Variants in DOCK5 observed in about 807,000 individuals in gnomAD.
DOCK5 encodes the protein dedicator of cytokinesis protein 5.
In DOCK5, 142 loss-of-function variants were observed where a neutral mutation model predicts 251.8. The observed-to-expected ratio is 0.56, with a 90% CI of 0.49 to 0.65. The LOEUF (loss-of-function observed/expected upper bound fraction) is 0.65. DOCK5 is among the 30% of genes least tolerant of loss of function. The pLI is 0.00. For missense variants in DOCK5, 2,111 were observed against 2,312.3 expected (o/e 0.91, Z 1.79); for synonymous variants, 842 against 835.5 (o/e 1.01, Z -0.13).
intron 40 of DOCK5, among the ~76,000 whole-genome samples, chr8:25,385,592 T>A (rs952628731): frequency 1.3e-5 from 2 of 152,104 alleles, no homozygotes; most frequent in African/African-American, 4.8e-5. Context: ...TGAGTAAATA[T>A]TTATTAAACT....
At chr8:25,299,780 C>G (rs2117164086) in intron 8 of DOCK5, among the ~76,000 whole-genome samples, 1 of 152,172 alleles carries the variant, frequency 6.6e-6, no homozygotes, top group South Asian at 2.1e-4. Flanking sequence ...AGTGGTACTA[C>G]TGTTTAGCAG....
In DOCK5 at chr8:25,187,378, G is replaced by T. The variant is rs151338836; in HGVS notation, c.43+2427G>T. On this transcript the variant is annotated intron_variant, in intron 1 of 51. Transcript: ENST00000276440. ...ATGGGTGGAAATTGTGTGTGTGTGT[G>T]TGTGTGTGTGTGTGTGTGTAAAATA... Among the ~76,000 whole-genome samples, 419 of 150,766 alleles carry T rather than the reference G, an allele frequency of 2.8e-3. 2 individuals are homozygous for T. The highest frequency in any genetic ancestry group is 9.3e-3 in the African/African-American group (380 of 40,794).
At chr8:25,228,965 T>A (rs1802598473) in intron 1 of DOCK5, among the ~76,000 whole-genome samples, 1 of 151,444 alleles carries the variant, frequency 6.6e-6, no homozygotes, top group South Asian at 2.1e-4. Context: ...GCACAGTGTC[T>A]CACACCTGTA....
At chr8:25,199,407 G>A (rs1211721026) in intron 1 of DOCK5, among the ~76,000 whole-genome samples, 7 of 120,496 alleles carry the variant, frequency 5.8e-5, no homozygotes, top group Non-Finnish European at 9.8e-5. Context: ...TTTGTGAGAC[G>A]GAGTCTTGCT....
At chr8:25,400,698 ACAGTCCTTCCC>A (rs1801424156) in intron 46 of DOCK5, among the ~76,000 whole-genome samples, 1 of 151,934 alleles carries the variant, frequency 6.6e-6, no homozygotes, top group Non-Finnish European at 1.5e-5. Flanking sequence ...GCCTCATCCC[ACAGTCCTTCCC>A]CAGTTTAGGG....
chr8:25,227,506 G>T (rs1199966179), intron 1 of DOCK5, among the ~76,000 whole-genome samples: 1 of 151,590 alleles, frequency 6.6e-6, no homozygotes, highest in Non-Finnish European at 1.5e-5. Context: ...TTTTATTTCT[G>T]TGTCAGTGCT....
intron 2 of DOCK5, among the ~76,000 whole-genome samples, chr8:25,244,131 C>T (rs1440773692): frequency 1.3e-4 from 20 of 152,218 alleles, no homozygotes; most frequent in Non-Finnish European, 7.3e-5. Context: ...CTGTTCAGCA[C>T]TAAATGTTCC....
At position 25,415,201 on chromosome 8, in the gene DOCK5, A is replaced by G. The variant is rs779671016; in HGVS notation, c.*3903A>G. 1 of 152,176 alleles carries G rather than the reference A, an allele frequency of 6.6e-6. No individual in the cohort carries two copies. Among genetic ancestry groups the G allele is most frequent in the African/African-American group, 2.4e-5 (1 of 41,444 alleles). The allele number at this position is 152,176 out of a possible 1,614,324, so 9.4% of individuals were successfully genotyped here. On this transcript the variant is annotated 3_prime_UTR_variant, in exon 52 of 52. Coordinates refer to ENST00000276440, the MANE Select transcript of DOCK5 (RefSeq NM_024940.8). ...TGAAATATTGACACAGATTACCATA[A>G]TTTGTGCAACATCTTATAAACAATG...
intron 1 of DOCK5, among the ~76,000 whole-genome samples, chr8:25,196,036 G>T (rs1280020354): frequency 6.6e-6 from 1 of 152,200 alleles, no homozygotes. Context: ...AACATCAAAG[G>T]CAGAGAGAAA....
At chr8:25,355,090 C>T (rs1800544025) in intron 27 of DOCK5, among the ~76,000 whole-genome samples, 1 of 152,026 alleles carries the variant, frequency 6.6e-6, no homozygotes, top group Non-Finnish European at 1.5e-5. Context: ...AAAAGTTAGC[C>T]AGGCATGGCA....
At position 25,298,990 on chromosome 8, in the gene DOCK5, C is replaced by T. The variant is rs1300521132; in HGVS notation, c.653C>T (p.Thr218Ile). The T allele has an allele frequency of 1.2e-6, 2 of 1,613,762 alleles. No homozygotes were observed. Among genetic ancestry groups the T allele is most frequent in the Non-Finnish European group, 1.7e-6 (2 of 1,179,844 alleles). ...LDLRGQSIFSTIHTYGLYVNF... is the reference protein window; with the variant it reads ...LDLRGQSIFSIIHTYGLYVNF... Reference sequence around the variant, plus strand: ...TTGCGGGGCCAGTCCATCTTCAGTACCATCCACACCTATGGCCTCTATGTG... The same window carrying T: ...TTGCGGGGCCAGTCCATCTTCAGTATCATCCACACCTATGGCCTCTATGTG... Residue 218 changes from threonine (T) to isoleucine (I), a missense_variant, in exon 8 of 52, where the codon ACC (threonine) becomes ATC (isoleucine). By Grantham distance (89) the Thr-to-Ile change is moderately conservative. This residue lies in a region of DOCK5 where 335 missense variants were observed against 324.9 expected (regional missense o/e 1.03). Transcript: ENST00000276440.
chr8:25,276,906 C>T (rs1466236812), intron 4 of DOCK5: 1 of 152,164 alleles, frequency 6.6e-6, no homozygotes, highest in Non-Finnish European at 1.5e-5. Context: ...GCCACTTGCT[C>T]CCGTGCCTCA....
chr8:25,381,175 A>G (rs1452734885), intron 39 of DOCK5, among the ~76,000 whole-genome samples: 8 of 152,224 alleles, frequency 5.3e-5, no homozygotes, highest in Non-Finnish European at 7.3e-5. Context: ...ATTAAATTTA[A>G]TAATTTCTAG....
chr8:25,258,945 C>T (rs998863935), intron 2 of DOCK5, among the ~76,000 whole-genome samples: 1 of 152,130 alleles, frequency 6.6e-6, no homozygotes, highest in Non-Finnish European at 1.5e-5. Context: ...ATGGTGAAAT[C>T]CTGTCTCTAC....
At chr8:25,367,763 A>G (rs975255871) in intron 31 of DOCK5, among the ~76,000 whole-genome samples, 1 of 152,178 alleles carries the variant, frequency 6.6e-6, no homozygotes, top group African/African-American at 2.4e-5. Flanking sequence ...ATATTTTGAA[A>G]AACACGCTAG....
At chr8:25,207,200 C>T (rs1341722961) in intron 1 of DOCK5, among the ~76,000 whole-genome samples, 3 of 152,036 alleles carry the variant, frequency 2.0e-5, no homozygotes, top group African/African-American at 4.8e-5. Flanking sequence ...AGCAATGGTT[C>T]ATGAAGTTTG....
At chr8:25,384,451 A>ATTTTTTTTTT (rs1311005105) in intron 40 of DOCK5, among the ~76,000 whole-genome samples, 1 of 26,548 alleles carries the variant, frequency 3.8e-5, no homozygotes, top group East Asian at 1.7e-3. Flanking sequence ...TTATTTATTT[A>ATTTTTTTTTT]TTTATTTATT....
chr8:25,386,953 G>A (rs1048240275), intron 40 of DOCK5, among the ~76,000 whole-genome samples: 2 of 152,182 alleles, frequency 1.3e-5, no homozygotes, highest in Non-Finnish European at 2.9e-5. Flanking sequence ...ATATAGGAGT[G>A]CTTTATAAAC....
At chr8:25,231,217 T>G (rs1802661135) in intron 1 of DOCK5, among the ~76,000 whole-genome samples, 6 of 152,230 alleles carry the variant, frequency 3.9e-5, no homozygotes. Flanking sequence ...GTTAGTGTCA[T>G]GCATGCACTC....
Sources: gnomAD v4.1 joint callset for allele counts (sites outside exome capture counted in the v4.1 genomes callset) on GRCh38, gnomAD v4.1.1 for gene constraint, gnomAD v4.1.1 regional missense constraint, MANE v1.5 for transcripts, NCBI Gene and HGNC (gene_info 2026-07-23, HGNC 2026-07-21) for gene names.